CD33: variants seen among roughly 807,000 people sequenced by gnomAD.
CD33 encodes the protein myeloid cell surface antigen CD33.
A neutral mutation model predicts 31.4 loss-of-function variants in CD33; 25 were observed. The ratio of observed to expected loss-of-function variants is 0.80; its 90% CI spans 0.58 to 1.11. The LOEUF is 1.11. CD33 is among the 50% of genes most tolerant of loss of function. The pLI is 0.00. For missense variants in CD33, 407 were observed against 448.1 expected, an observed-to-expected ratio of 0.91 and a Z score of 0.83; for synonymous variants, 176 against 180.6, an observed-to-expected ratio of 0.97 and a Z score of 0.20.
chr19:51,224,919 T>C (rs533489088), upstream of CD33: 43 of 664,298 alleles, frequency 6.5e-5, no homozygotes, highest in East Asian at 9.5e-4. Flanking sequence ...TGGGCGGGTC[T>C]CTGGCATCTC....
At chr19:51,230,294 C>G (rs1343800059) in intron 4 of CD33, among the ~76,000 whole-genome samples, 1 of 129,902 alleles carries the variant, frequency 7.7e-6, no homozygotes, top group Non-Finnish European at 1.6e-5. Context: ...TATGGTCGAT[C>G]CTTGGGAATG....
In CD33 at chr19:51,225,995, A is replaced by C; in HGVS notation, c.611A>C (p.Gln204Pro). ...SSVLIITPRP[Q>P]DHGTNLTCQV... ...GTGCTCATAATCACCCCACGGCCCC[A>C]GGACCACGGCACCAACCTGACCTGT... Residue 204 changes from glutamine (Q) to proline (P), a missense_variant, in exon 3 of 7, where the codon CAG becomes CCG. By Grantham distance (76) the Gln-to-Pro change is moderately conservative (BLOSUM62 -1). Coordinates refer to ENST00000262262, the MANE Select transcript of CD33 (RefSeq NM_001772.4). The C allele has an allele frequency of 6.2e-7, 1 of 1,614,046 alleles. No individual in the cohort carries two copies. The highest frequency in any genetic ancestry group is 8.5e-7 in the Non-Finnish European group (1 of 1,179,988).
At chr19:51,217,132 C>T in the CD33 span, among the ~76,000 whole-genome samples, 40 of 152,200 alleles carry the variant, frequency 2.6e-4, no homozygotes, top group Non-Finnish European at 4.1e-4. Context: ...GGCTCCCTGG[C>T]GAGAGCAGGC....
At chr19:51,236,149 C>G in intron 6 of CD33, 1 of 380,746 alleles carries the variant, frequency 2.6e-6, no homozygotes, top group South Asian at 2.7e-5. Flanking sequence ...CAGAGAGAGA[C>G]TCTGTCCCAA....
intron 5 of CD33, 161 bp downstream of exon 5, chr19:51,235,414 G>A: frequency 7.8e-7 from 1 of 1,280,946 alleles, no homozygotes; most frequent in Non-Finnish European, 1.1e-6. Flanking sequence ...GTCTATTCCA[G>A]GGCCCTGATC....
intron 4 of CD33, among the ~76,000 whole-genome samples, chr19:51,230,316 GATGAAACC>G (rs1981316426): frequency 0.022 from 1 of 46 alleles, no homozygotes; most frequent in Non-Finnish European, 0.038. Flanking sequence ...TGCACATGCT[GATGAAACC>G]ATGTGTATTC....
chr19:51,218,865 T>C, the CD33 span, among the ~76,000 whole-genome samples: 1 of 152,206 alleles, frequency 6.6e-6, no homozygotes, highest in African/African-American at 2.4e-5. Flanking sequence ...GGTTCTCTAT[T>C]CTGTTTCATT....
chr19:51,218,793 G>C, the CD33 span, among the ~76,000 whole-genome samples: 1 of 152,098 alleles, frequency 6.6e-6, no homozygotes, highest in Non-Finnish European at 1.5e-5. Context: ...CCTGTCCCCA[G>C]TGTATGTTTT....
chr19:51,211,778 C>T, the CD33 span: 14 of 801,226 alleles, frequency 1.7e-5, no homozygotes, highest in African/African-American at 1.0e-4. Flanking sequence ...CCTGCATCCC[C>T]GTTTCCTCAC....
At chr19:51,218,548 A>G in the CD33 span, among the ~76,000 whole-genome samples, 1 of 152,048 alleles carries the variant, frequency 6.6e-6, no homozygotes, top group Non-Finnish European at 1.5e-5. Context: ...CTGTTTATCT[A>G]TTTTTTGTTT....
At chr19:51,211,183 C>A in the CD33 span, 4 of 1,582,926 alleles carry the variant, frequency 2.5e-6, no homozygotes, top group African/African-American at 1.3e-5. Flanking sequence ...CGGGCTGGGC[C>A]GAGCTGACCC....
upstream of CD33, among the ~76,000 whole-genome samples, chr19:51,222,105 A>G (rs1980712859): frequency 6.6e-6 from 1 of 152,240 alleles, no homozygotes; most frequent in African/African-American, 2.4e-5. Context: ...AATTATATAC[A>G]ACTCTCAAAC....
In CD33 at chr19:51,225,376, A is replaced by G; in HGVS notation, c.196A>G (p.Ile66Val). 6.2e-7 allele frequency: 1 copy of G among 1,614,218 alleles called. No homozygotes were observed. The highest frequency in any genetic ancestry group is 8.5e-7 in the Non-Finnish European group (1 of 1,180,024). The change falls in exon 2 of 7, where the codon ATT becomes GTT. Residue 66 changes from isoleucine to valine, a missense_variant. Coordinates refer to ENST00000262262, the MANE Select transcript of CD33 (RefSeq NM_001772.4). The stretch of plus-strand genomic sequence containing the variant: ...TGGTTACTGGTTCCGGGAAGGAGCC[A>G]TTATATCCAGGGACTCTCCAGTGGC... ...VHGYWFREGAIISRDSPVATN... is the reference protein window; with the variant it reads ...VHGYWFREGAVISRDSPVATN...
rs1375470830 is a variant in CD33 at position 51,239,756 on chromosome 19, G to C, written c.*68G>C. ...CTCTACAGGTCGGGGACCAAAGGCT[G>C]ATTCTTGGAGATTTAACACCCCACA... is the stretch of plus-strand genomic sequence containing the variant. On this transcript the variant is annotated 3_prime_UTR_variant, in exon 7 of 7. Coordinates refer to ENST00000262262, the MANE Select transcript of CD33 (RefSeq NM_001772.4). 1.5e-6 allele frequency: 2 copies of C among 1,322,918 alleles called. No homozygotes were observed. The highest frequency in any genetic ancestry group is 2.1e-6 in the Non-Finnish European group (2 of 961,362). The allele number at this position is 1,322,918 out of a possible 1,614,324, so 81.9% of individuals were successfully genotyped here.
the CD33 span, among the ~76,000 whole-genome samples, chr19:51,219,761 T>G: frequency 6.6e-6 from 1 of 152,254 alleles, no homozygotes; most frequent in African/African-American, 2.4e-5. Context: ...TCAAAAGCTT[T>G]TTCTTTGTCT....
intron 1 of CD33, 23 bp from the exon 2 acceptor site, chr19:51,225,195 A>C: frequency 1.2e-6 from 2 of 1,613,334 alleles, no homozygotes; most frequent in Non-Finnish European, 1.7e-6. Context: ...GGCTGGGCCG[A>C]GCTGACCCTC....
chr19:51,239,615 C>T lies in CD33; in HGVS notation c.1022C>T (p.Ala341Val), dbSNP rs1982034351. 6.2e-7 allele frequency: 1 copy of T among 1,613,862 alleles called. No homozygotes were observed. Among genetic ancestry groups the T allele is most frequent in the African/African-American group, 1.3e-5 (1 of 75,020 alleles). The change falls in exon 7 of 7, where the codon GCT (alanine) becomes GTT (valine). Residue 341 changes from alanine to valine, a missense_variant. Ala to Val is a moderately conservative substitution (Grantham distance 64). Transcript: ENST00000262262. ...GAGATGGATGAGGAGCTGCATTATG[C>T]TTCCCTCAACTTTCATGGGATGAAT... ...TVEMDEELHY[A>V]SLNFHGMNPS...
the CD33 span, among the ~76,000 whole-genome samples, chr19:51,214,148 C>T: frequency 1.3e-4 from 20 of 150,936 alleles, no homozygotes; most frequent in African/African-American, 4.9e-4. Flanking sequence ...GCATGAGCCA[C>T]CATGCCTGGC....
At chr19:51,230,355 T>A (rs1981320322) in intron 4 of CD33, among the ~76,000 whole-genome samples, 1 of 152,232 alleles carries the variant, frequency 6.6e-6, no homozygotes. Flanking sequence ...GGTTGAAATG[T>A]TCTGTAAATA....
Sources: gnomAD v4.1 joint callset for allele counts (sites outside exome capture counted in the v4.1 genomes callset) on GRCh38, gnomAD v4.1.1 for gene constraint, MANE v1.5 for transcripts, NCBI Gene and HGNC (gene_info 2026-07-23, HGNC 2026-07-21) for gene names.